Variants in LDLRAD4 observed in about 807,000 individuals in gnomAD.
LDLRAD4 encodes low-density lipoprotein receptor class A domain-containing protein 4.
A neutral mutation model predicts 17.0 loss-of-function variants in LDLRAD4; 5 were observed. The observed-to-expected ratio is 0.29, with a 90% CI of 0.15 to 0.62. The LOEUF is 0.62. Among genes scored for constraint, LDLRAD4 ranks in the 20% least tolerant of loss-of-function variants. LDLRAD4 has a pLI of 0.84. For missense variants in LDLRAD4, 340 were observed against 424.7 expected (o/e 0.80, Z 1.75); for synonymous variants, 168 against 171.8 (o/e 0.98, Z 0.17).
At chr18:13,461,418 G>C (rs781188855) in intron 3 of LDLRAD4, 1 of 152,272 alleles carries the variant, frequency 6.6e-6, no homozygotes, top group Admixed American at 6.5e-5. Flanking sequence ...CGTCATTGAA[G>C]AAGGAGAGTG....
At chr18:13,591,723 A>T (rs1318930584) in intron 3 of LDLRAD4, among the ~76,000 whole-genome samples, 1 of 152,192 alleles carries the variant, frequency 6.6e-6, no homozygotes, top group Admixed American at 6.5e-5. Flanking sequence ...CACTGCTCTG[A>T]ACAATATATG....
chr18:13,607,939 A>G (rs760069893), intron 3 of LDLRAD4, among the ~76,000 whole-genome samples: 4 of 152,244 alleles, frequency 2.6e-5, no homozygotes, highest in Non-Finnish European at 5.9e-5. Context: ...AGAATGATTT[A>G]TAATCCTTTG....
chr18:13,423,951 A>G (rs1395510866), intron 2 of LDLRAD4, among the ~76,000 whole-genome samples: 1 of 152,106 alleles, frequency 6.6e-6, no homozygotes, highest in South Asian at 2.1e-4. Context: ...CCTGACCAAT[A>G]TGATGAAACC....
intron 3 of LDLRAD4, among the ~76,000 whole-genome samples, chr18:13,576,145 C>T (rs1311020692): frequency 2.6e-5 from 4 of 152,062 alleles, no homozygotes; most frequent in South Asian, 2.1e-4. Context: ...GGATTCCAGC[C>T]GGGCGCAGTG....
intron 1 of LDLRAD4, among the ~76,000 whole-genome samples, chr18:13,379,655 C>T (rs1284832725): frequency 1.3e-5 from 2 of 152,178 alleles, no homozygotes; most frequent in Admixed American, 6.5e-5. Context: ...GCTTTGGTGG[C>T]GTCCTGCAGG....
At position 13,642,922 on chromosome 18, in the gene LDLRAD4, TTTTTTG is replaced by T. The variant is rs200276526; in HGVS notation, c.337-431_337-426del. Reference sequence around the variant, plus strand: ...GTTTGTTTGTTTGTTTGTTTATCTATTTTTTGTTTTTTTTTTTTCTTCTGTTTTTTT... The same window carrying T: ...GTTTGTTTGTTTGTTTGTTTATCTATTTTTTTTTTTTTCTTCTGTTTTTTT... On this transcript the variant is annotated intron_variant, in intron 4 of 5. Transcript: ENST00000359446. 4.5e-3 allele frequency among the ~76,000 whole-genome samples: 540 copies of T among 120,042 alleles called. 2 individuals carry two copies. Among genetic ancestry groups the T allele is most frequent in the African/African-American group, 0.022 (486 of 22,310 alleles). The allele number at this position is 120,042 out of a possible 152,430, so 78.8% of individuals were successfully genotyped here. A position where few individuals can be genotyped will look rare whatever the true frequency, so the allele number is the denominator to read the frequency against.
At chr18:13,473,636 CATATATATATAT>C (rs71366054) in intron 3 of LDLRAD4, among the ~76,000 whole-genome samples, 4,769 of 28,742 alleles carry the variant, frequency 0.17, 190 homozygotes, top group East Asian at 0.27. Flanking sequence ...GATCCCATCT[CATATATATATAT>C]ATATATATAT....
chr18:13,524,347 T>TA (rs1411573948), intron 3 of LDLRAD4, among the ~76,000 whole-genome samples: 6 of 152,260 alleles, frequency 3.9e-5, no homozygotes, highest in Non-Finnish European at 8.8e-5. Context: ...CACATTCTGT[T>TA]ACACCTGTTT....
chr18:13,570,562 G>A (rs1215743400), intron 3 of LDLRAD4, among the ~76,000 whole-genome samples: 1 of 152,198 alleles, frequency 6.6e-6, no homozygotes, highest in Non-Finnish European at 1.5e-5. Flanking sequence ...CTAATCAATG[G>A]GGAGATGCCG....
intron 1 of LDLRAD4, among the ~76,000 whole-genome samples, chr18:13,243,467 T>C (rs2042771204): frequency 2.0e-5 from 3 of 146,538 alleles, no homozygotes; most frequent in Non-Finnish European, 3.0e-5. Flanking sequence ...CTCGTTCATC[T>C]GTCCTTCCAT....
chr18:13,620,220 G>A (rs980132949), intron 3 of LDLRAD4, among the ~76,000 whole-genome samples: 2 of 152,180 alleles, frequency 1.3e-5, no homozygotes, highest in African/African-American at 2.4e-5. Context: ...GCACATGTAC[G>A]TGCATGCATG....
At chr18:13,368,032 A>C (rs1225092169) in intron 1 of LDLRAD4, among the ~76,000 whole-genome samples, 1 of 152,112 alleles carries the variant, frequency 6.6e-6, no homozygotes, top group African/African-American at 2.4e-5. Flanking sequence ...CTGTCTCATA[A>C]AATAAAATAA....
intron 3 of LDLRAD4, among the ~76,000 whole-genome samples, chr18:13,467,733 C>G (rs537412314): frequency 1.3e-5 from 2 of 152,328 alleles, no homozygotes; most frequent in Admixed American, 6.5e-5. Flanking sequence ...TTCCCAGTTT[C>G]AAAATTTACA....
chr18:13,643,075 A>G (rs2042739504), intron 4 of LDLRAD4, among the ~76,000 whole-genome samples: 2 of 151,886 alleles, frequency 1.3e-5, no homozygotes, highest in African/African-American at 2.4e-5. Context: ...AGCTGGGATT[A>G]CAGGCACCCG....
At chr18:13,360,386 G>A (rs1183060234) in intron 1 of LDLRAD4, among the ~76,000 whole-genome samples, 2 of 152,238 alleles carry the variant, frequency 1.3e-5, no homozygotes, top group Non-Finnish European at 2.9e-5. Context: ...GAGGAGATGT[G>A]TGGTATTACA....
At chr18:13,326,206 A>G (rs1257148420) in intron 1 of LDLRAD4, among the ~76,000 whole-genome samples, 3 of 152,110 alleles carry the variant, frequency 2.0e-5, no homozygotes, top group African/African-American at 2.4e-5. Flanking sequence ...ATCTGTATCT[A>G]TTTTTCTAAA....
At chr18:13,249,855 T>C (rs936579765) in intron 1 of LDLRAD4, among the ~76,000 whole-genome samples, 18 of 152,244 alleles carry the variant, frequency 1.2e-4, no homozygotes, top group Non-Finnish European at 2.5e-4. Flanking sequence ...TCCCTGTGTT[T>C]TCTTCTAATG....
chr18:13,337,077 C>A (rs2082138430), intron 1 of LDLRAD4, among the ~76,000 whole-genome samples: 1 of 152,182 alleles, frequency 6.6e-6, no homozygotes, highest in South Asian at 2.1e-4. Flanking sequence ...CCAGGCTTTA[C>A]AACCCAGAGC....
intron 3 of LDLRAD4, among the ~76,000 whole-genome samples, chr18:13,556,356 C>A (rs2094483538): frequency 6.6e-6 from 1 of 152,322 alleles, no homozygotes; most frequent in East Asian, 1.9e-4. Context: ...TTGCTATAAA[C>A]TCTGCTTTCA....
Sources: gnomAD v4.1 joint callset for allele counts (sites outside exome capture counted in the v4.1 genomes callset) on GRCh38, gnomAD v4.1.1 for gene constraint, MANE v1.5 for transcripts, NCBI Gene and HGNC (gene_info 2026-07-23, HGNC 2026-07-21) for gene names.